The following ARHGEF18 variants were observed in gnomAD, a reference collection of about 807,000 sequenced individuals.
ARHGEF18 encodes Rho/Rac guanine nucleotide exchange factor 18, also known as rho guanine nucleotide exchange factor 18.
In ARHGEF18, 93 loss-of-function variants were observed where a neutral mutation model predicts 155.7. The ratio of observed to expected loss-of-function variants is 0.60; its 90% CI spans 0.50 to 0.71. ARHGEF18 has a LOEUF of 0.71. ARHGEF18 is among the 30% of genes least tolerant of loss of function. The pLI is 0.00. For missense variants in ARHGEF18, 1,593 were observed against 1,816.1 expected (o/e 0.88, Z 2.23); for synonymous variants, 742 against 753.1 (o/e 0.99, Z 0.24).
At chr19:7,424,871 G>A (rs1469683823) in intron 10 of ARHGEF18, among the ~76,000 whole-genome samples, 2 of 152,000 alleles carry the variant, frequency 1.3e-5, no homozygotes, top group East Asian at 3.9e-4. Flanking sequence ...GCAGGTGCCT[G>A]TAATCCCAGC....
chr19:7,452,135 A>G (rs1020842262), intron 16 of ARHGEF18, among the ~76,000 whole-genome samples: 1 of 152,216 alleles, frequency 6.6e-6, no homozygotes, highest in African/African-American at 2.4e-5. Context: ...AGGCTGGGCC[A>G]CTGCAGGCCC....
chr19:7,459,007 C>A lies in ARHGEF18; in HGVS notation c.2360+317C>A, dbSNP rs189778971. Reference sequence around the variant, plus strand: ...GTCCTTCCTCCTTGGGCCGAGCACCCCTCAGGGCCCAGAACCAGCTGGCTT... The same window carrying A: ...GTCCTTCCTCCTTGGGCCGAGCACCACTCAGGGCCCAGAACCAGCTGGCTT... On this transcript the variant is annotated intron_variant, in intron 19 of 28. Transcript: ENST00000668164. 5.9e-5 allele frequency among the ~76,000 whole-genome samples: 9 copies of A among 152,256 alleles called. No homozygotes were observed. In the East Asian group the frequency reaches 1.7e-3, roughly 29 times the overall value.
chr19:7,381,995 G>A (rs1038908231), intron 8 of ARHGEF18, among the ~76,000 whole-genome samples: 3 of 152,330 alleles, frequency 2.0e-5, no homozygotes, highest in African/African-American at 7.2e-5. Flanking sequence ...AATCATGTCT[G>A]CCTTATATGT....
Position 7,378,396 on chromosome 19 carries a change from C to T in ARHGEF18, c.544C>T (p.Leu182=). ...LEVPTPPVQG[L]EPPVLECMEK... ...CTGGGATGGGGGGCTTCTTCCAGGC[C>T]TGGAACCTCCAGTGCTGGAGTGCAT... The change falls in exon 6 of 29, where the codon CTG becomes TTG. Residue 182 remains leucine (L), a splice_region_variant and synonymous_variant. Transcript: ENST00000668164. 1 of 1,234,448 alleles carries T rather than the reference C, an allele frequency of 8.1e-7. No homozygotes were observed. Among genetic ancestry groups the T allele is most frequent in the African/African-American group, 1.5e-5 (1 of 64,616 alleles). 76.5% of individuals were successfully genotyped at this position (1,234,448 alleles called of 1,614,324 possible).
intron 10 of ARHGEF18, among the ~76,000 whole-genome samples, chr19:7,432,261 A>C (rs536660343): frequency 1.3e-5 from 2 of 152,210 alleles, no homozygotes; most frequent in South Asian, 4.1e-4. Flanking sequence ...ATTTTCTTTA[A>C]TTGTCTCTCG....
At chr19:7,364,364 G>GA (rs759573656) in intron 2 of ARHGEF18, among the ~76,000 whole-genome samples, 42 of 27,940 alleles carry the variant, frequency 1.5e-3, no homozygotes, top group African/African-American at 4.6e-3. Flanking sequence ...AGGAGGGAAG[G>GA]AAAGGAAGGA....
rs188708825 is a variant in ARHGEF18 at position 7,392,908 on chromosome 19, G to A, written c.967+9705G>A. Among the ~76,000 whole-genome samples the A allele has an allele frequency of 3.5e-3, 520 of 149,566 alleles. 2 individuals carry two copies. Among genetic ancestry groups the A allele is most frequent in the African/African-American group, 0.012 (495 of 39,636 alleles). ...GTCTCTACAAAAAAATTAGCCAGAC[G>A]TGGTGGTGTGTGCCTGTGGTCCCAG... On this transcript the variant is annotated intron_variant, in intron 10 of 28. Coordinates refer to ENST00000668164, the MANE Select transcript of ARHGEF18 (RefSeq NM_001367823.1).
chr19:7,476,529 G>C (rs1210452514), downstream of ARHGEF18, among the ~76,000 whole-genome samples: 2 of 152,256 alleles, frequency 1.3e-5, no homozygotes, highest in Admixed American at 1.3e-4. Context: ...TATCTTCAGC[G>C]ATGCCAGTGT....
chr19:7,373,170 C>T, intron 3 of ARHGEF18, 99 bp downstream of exon 3: 1 of 1,223,614 alleles, frequency 8.2e-7, no homozygotes. Flanking sequence ...CCACCCCTTG[C>T]ACCTGCCGTG....
chr19:7,352,125 G>A (rs1969172500), intron 1 of ARHGEF18, among the ~76,000 whole-genome samples: 2 of 152,120 alleles, frequency 1.3e-5, no homozygotes, highest in Non-Finnish European at 2.9e-5. Context: ...GCCAGGCCTT[G>A]TTTGTGAAAA....
downstream of ARHGEF18, chr19:7,473,168 C>T (rs2039588268): frequency 2.2e-6 from 1 of 456,228 alleles, no homozygotes; most frequent in Non-Finnish European, 4.4e-6. Flanking sequence ...ATCATCATTT[C>T]CACCTGGTCT....
At chr19:7,409,188 A>T (rs1221366757) in intron 10 of ARHGEF18, among the ~76,000 whole-genome samples, 1 of 143,072 alleles carries the variant, frequency 7.0e-6, no homozygotes, top group Non-Finnish European at 1.5e-5. Flanking sequence ...GCCTCCCAAG[A>T]AGCTGGGACT....
At chr19:7,445,924 G>A (rs769877154) in intron 14 of ARHGEF18, among the ~76,000 whole-genome samples, 12 of 152,118 alleles carry the variant, frequency 7.9e-5, no homozygotes, top group Non-Finnish European at 1.8e-4. Flanking sequence ...CGCCTGGCCT[G>A]CTTTTTGTTT....
At chr19:7,424,351 T>C (rs983239927) in intron 10 of ARHGEF18, among the ~76,000 whole-genome samples, 1 of 152,144 alleles carries the variant, frequency 6.6e-6, no homozygotes, top group African/African-American at 2.4e-5. Flanking sequence ...AGCTAGATTT[T>C]CTTGCAAGGT....
chr19:7,467,816 C>CCCT, intron 26 of ARHGEF18, 132 bp downstream of exon 26: 1 of 905,642 alleles, frequency 1.1e-6, no homozygotes. Context: ...GCACAAGATA[C>CCCT]CCTTGCATTA....
downstream of ARHGEF18, among the ~76,000 whole-genome samples, chr19:7,473,808 CAAAAAAAAAAA>C (rs35797777): frequency 2.5e-5 from 2 of 79,634 alleles, no homozygotes; most frequent in Non-Finnish European, 2.3e-5. Context: ...GACTCCGTCT[CAAAAAAAAAAA>C]AAAAAAAAAA....
At chr19:7,387,755 C>T (rs1203293164) in intron 10 of ARHGEF18, among the ~76,000 whole-genome samples, 1 of 151,920 alleles carries the variant, frequency 6.6e-6, no homozygotes, top group African/African-American at 2.4e-5. Context: ...CTGGAGACTC[C>T]GCCTCCCAGG....
intron 10 of ARHGEF18, among the ~76,000 whole-genome samples, chr19:7,435,244 G>A (rs1034528449): frequency 4.6e-5 from 7 of 151,914 alleles, no homozygotes; most frequent in African/African-American, 1.7e-4. Context: ...CCCATCCCTG[G>A]CAAGCAGACT....
intron 10 of ARHGEF18, among the ~76,000 whole-genome samples, chr19:7,411,573 CT>C (rs776952572): frequency 1.9e-4 from 29 of 152,256 alleles, no homozygotes; most frequent in Non-Finnish European, 2.4e-4. Flanking sequence ...TCCCAAAGTG[CT>C]GGGATGACAG....
Sources: allele counts gnomAD v4.1 joint callset (sites outside exome capture counted in the v4.1 genomes callset), GRCh38; gene constraint gnomAD v4.1.1; transcripts MANE v1.5; gene names NCBI Gene and HGNC (gene_info 2026-07-23, HGNC 2026-07-21).